The following TMC1 variants were observed in gnomAD, a reference collection of about 807,000 sequenced individuals.
TMC1 encodes transmembrane channel-like protein 1.
Under a neutral mutation model 105.8 loss-of-function variants are expected in TMC1, and 84 were observed. The ratio of observed to expected loss-of-function variants is 0.79; its 90% CI spans 0.67 to 0.95. The LOEUF is 0.95. TMC1 is among the 40% of genes least tolerant of loss of function. The pLI is 0.00. For synonymous variants in TMC1, 315 were observed against 311.5 expected (o/e 1.01, Z -0.12); for missense variants, 817 against 914.1 (o/e 0.89, Z 1.37).
chr9:72,700,451 C>T, intron 7 of TMC1, 67 bp from the exon 8 acceptor site: 1 of 1,351,672 alleles, frequency 7.4e-7, no homozygotes, highest in Non-Finnish European at 1.0e-6. Flanking sequence ...CTGATACCTG[C>T]CTTCCTTAAG....
intron 5 of TMC1, chr9:72,655,775 C>T: frequency 1.8e-6 from 1 of 544,014 alleles, no homozygotes; most frequent in Non-Finnish European, 3.3e-6. Context: ...ATTACTGATG[C>T]TTGTTTCATT....
chr9:72,740,417 C>A (rs972668555), intron 9 of TMC1, among the ~76,000 whole-genome samples: 2 of 152,030 alleles, frequency 1.3e-5, no homozygotes, highest in Non-Finnish European at 2.9e-5. Flanking sequence ...AAAAATAAGT[C>A]AAGAAATACA....
intron 2 of TMC1, among the ~76,000 whole-genome samples, chr9:72,595,045 T>C (rs1284049516): frequency 6.6e-6 from 1 of 152,016 alleles, no homozygotes; most frequent in Non-Finnish European, 1.5e-5. Context: ...TTTGTATTTT[T>C]AGTAGAGACG....
At chr9:72,721,192 A>G (rs1827017987) in intron 8 of TMC1, among the ~76,000 whole-genome samples, 1 of 152,248 alleles carries the variant, frequency 6.6e-6, no homozygotes, top group African/African-American at 2.4e-5. Flanking sequence ...GCCTAAAAGC[A>G]GGACAGAGAA....
chr9:72,541,688 CA>C (rs34643140), intron 1 of TMC1, among the ~76,000 whole-genome samples: 80,300 of 137,514 alleles, frequency 0.58, 23,463 homozygotes, highest in African/African-American at 0.78. Flanking sequence ...AACTCCATCT[CA>C]AAAAAAAAAA....
intron 2 of TMC1, among the ~76,000 whole-genome samples, chr9:72,579,052 A>T (rs1286888345): frequency 2.0e-5 from 3 of 152,172 alleles, no homozygotes; most frequent in Non-Finnish European, 2.9e-5. Flanking sequence ...TCTTTATGCT[A>T]TCTTGTCTAC....
chr9:72,595,577 G>A (rs1267170107), intron 2 of TMC1, among the ~76,000 whole-genome samples: 1 of 152,010 alleles, frequency 6.6e-6, no homozygotes, highest in Non-Finnish European at 1.5e-5. Context: ...TGCTATCTAT[G>A]GGGTTGGCTT....
rs535638584 is a variant in TMC1 at position 72,768,417 on chromosome 9, C to A, written c.742-3996C>A. On this transcript the variant is annotated intron_variant, in intron 12 of 23. Coordinates refer to ENST00000297784, the MANE Select transcript of TMC1 (RefSeq NM_138691.3). ...AGCAAACCACCATGGCATATGTATA[C>A]CTATGTAACAAACCTGCACATTCTG... Among the ~76,000 whole-genome samples, 149 of 152,170 alleles carry A rather than the reference C, an allele frequency of 9.8e-4. 2 individuals are homozygous for A. In the South Asian group the frequency reaches 1.0e-2, roughly 10 times the overall value.
chr9:72,580,769 C>A (rs1222653977), intron 2 of TMC1, among the ~76,000 whole-genome samples: 1 of 152,178 alleles, frequency 6.6e-6, no homozygotes, highest in Non-Finnish European at 1.5e-5. Flanking sequence ...TATCTAGTGG[C>A]CTTGGAAAAT....
chr9:72,653,327 T>G (rs922897438), intron 5 of TMC1, among the ~76,000 whole-genome samples: 16 of 152,264 alleles, frequency 1.1e-4, no homozygotes, highest in Admixed American at 9.2e-4. Flanking sequence ...CATTGACACA[T>G]TTGTTCCTAA....
intron 20 of TMC1, among the ~76,000 whole-genome samples, chr9:72,825,080 T>G (rs1392671198): frequency 1.3e-5 from 2 of 152,268 alleles, no homozygotes; most frequent in African/African-American, 4.8e-5. Flanking sequence ...TTCTAGAGAT[T>G]GGGGATAGAG....
chr9:72,705,859 G>A (rs1588041510), intron 8 of TMC1, among the ~76,000 whole-genome samples: 1 of 152,140 alleles, frequency 6.6e-6, no homozygotes, highest in African/African-American at 2.4e-5. Flanking sequence ...GAGCTTTGTA[G>A]TACCCTGACC....
intron 12 of TMC1, among the ~76,000 whole-genome samples, chr9:72,758,022 A>G (rs72733060): frequency 0.091 from 13,834 of 152,298 alleles, 796 homozygotes; most frequent in Non-Finnish European, 0.14. Flanking sequence ...ATTCAAGGAA[A>G]GGAAGCAATA....
rs182688718 is a variant in TMC1, at chr9:72,775,680, A to G, written c.884+3125A>G. On this transcript the variant is annotated intron_variant, in intron 13 of 23. Coordinates refer to ENST00000297784, the MANE Select transcript of TMC1 (RefSeq NM_138691.3). ...TTTAGTCCATTTCGTGTTGCTATAAAGGAATACCTGAGGCTTGGTAATTTG... is the reference window on the plus strand; with the variant it reads ...TTTAGTCCATTTCGTGTTGCTATAAGGGAATACCTGAGGCTTGGTAATTTG... Among the ~76,000 whole-genome samples the G allele has an allele frequency of 5.3e-5, 8 of 152,298 alleles. No homozygotes were observed. The East Asian group carries it at 1.5e-3, about 29-fold the overall frequency.
chr9:72,693,435 T>C (rs776222827), intron 6 of TMC1, among the ~76,000 whole-genome samples: 40 of 152,300 alleles, frequency 2.6e-4, no homozygotes, highest in Non-Finnish European at 5.0e-4. Context: ...GGGGCTTGTC[T>C]CTCCTTTGGA....
chr9:72,532,781 A>T (rs991235586), intron 1 of TMC1, among the ~76,000 whole-genome samples: 4 of 152,188 alleles, frequency 2.6e-5, no homozygotes, highest in Admixed American at 1.3e-4. Flanking sequence ...GATTCAAATT[A>T]ATCTTCAGAA....
intron 5 of TMC1, among the ~76,000 whole-genome samples, chr9:72,661,025 G>C (rs375710638): frequency 2.0e-5 from 3 of 152,162 alleles, no homozygotes; most frequent in African/African-American, 7.2e-5. Context: ...GGTGGCACGC[G>C]CCTGTAGTCC....
intron 20 of TMC1, among the ~76,000 whole-genome samples, chr9:72,823,902 C>T (rs565462302): frequency 2.8e-4 from 42 of 152,300 alleles, no homozygotes; most frequent in African/African-American, 9.9e-4. Context: ...AAACATGGCC[C>T]ATAATCTTGA....
intron 4 of TMC1, among the ~76,000 whole-genome samples, chr9:72,640,834 T>G (rs1222030578): frequency 2.0e-5 from 3 of 152,102 alleles, no homozygotes; most frequent in Non-Finnish European, 4.4e-5. Flanking sequence ...GGTTTCACTG[T>G]GTTAGCCAGG....
Sources: gnomAD v4.1 joint callset for allele counts (sites outside exome capture counted in the v4.1 genomes callset) on GRCh38, gnomAD v4.1.1 for gene constraint, MANE v1.5 for transcripts, NCBI Gene and HGNC (gene_info 2026-07-23, HGNC 2026-07-21) for gene names.